PHACTR4: variants seen among roughly 807,000 people sequenced by gnomAD.
The protein encoded by PHACTR4 is phosphatase and actin regulator 4.
PHACTR4 carries 51 observed loss-of-function variants against 72.7 expected under a neutral mutation model. The observed-to-expected ratio is 0.70, with a 90% CI of 0.56 to 0.89. The LOEUF is 0.89. PHACTR4 is among the 40% of genes least tolerant of loss of function. The pLI, the probability that PHACTR4 is intolerant of heterozygous loss-of-function variation, is 0.00. For synonymous variants in PHACTR4, 255 were observed against 302.5 expected (o/e 0.84, Z 1.63); for missense variants, 731 against 861.8 (o/e 0.85, Z 1.90).
chr1:28,470,673 A>G (rs1026955961), intron 6 of PHACTR4, among the ~76,000 whole-genome samples: 2 of 151,820 alleles, frequency 1.3e-5, no homozygotes, highest in Admixed American at 6.6e-5. Flanking sequence ...CTCCAGTGAC[A>G]CAGTGTGAGA....
At chr1:28,413,670 T>C (rs943069173) in intron 2 of PHACTR4, among the ~76,000 whole-genome samples, 1 of 152,200 alleles carries the variant, frequency 6.6e-6, no homozygotes, top group Non-Finnish European at 1.5e-5. Flanking sequence ...TGTTTCTTTT[T>C]ATACTATCCT....
At chr1:28,492,296 G>C (rs1310243441) in intron 12 of PHACTR4, among the ~76,000 whole-genome samples, 4 of 151,518 alleles carry the variant, frequency 2.6e-5, no homozygotes, top group Admixed American at 6.6e-5. Context: ...AATTAGCTGG[G>C]TGTGATGGCA....
In PHACTR4 at chr1:28,462,436, A is replaced by C. The variant is rs528347878; in HGVS notation, c.271+2144A>C. Among the ~76,000 whole-genome samples, 22 of 150,444 alleles carry C rather than the reference A, an allele frequency of 1.5e-4. No individual in the cohort carries two copies. In the South Asian group the frequency reaches 4.4e-3, roughly 30 times the overall value. Reference sequence around the variant, plus strand: ...TTTCACCTTCAGTCTCTTTTGCCCTACACTCACGGCAACCTCTGCCTCCTG... The same window carrying C: ...TTTCACCTTCAGTCTCTTTTGCCCTCCACTCACGGCAACCTCTGCCTCCTG... On this transcript the variant is annotated intron_variant, in intron 4 of 13. Coordinates refer to ENST00000373839, the MANE Select transcript of PHACTR4 (RefSeq NM_001048183.3).
At chr1:28,495,928 G>A (rs1400945220) in intron 13 of PHACTR4, among the ~76,000 whole-genome samples, 4 of 151,524 alleles carry the variant, frequency 2.6e-5, no homozygotes, top group Non-Finnish European at 4.4e-5. Context: ...GCCAAGGAAA[G>A]TTGTTTTTTA....
intron 4 of PHACTR4, among the ~76,000 whole-genome samples, chr1:28,461,870 T>G (rs983352128): frequency 6.6e-6 from 1 of 150,826 alleles, no homozygotes; most frequent in Admixed American, 6.6e-5. Context: ...TTTTTTTGTA[T>G]GTGACTAGTT....
chr1:28,379,765 A>G (rs950698521), intron 1 of PHACTR4, among the ~76,000 whole-genome samples: 4 of 150,516 alleles, frequency 2.7e-5, no homozygotes, highest in Non-Finnish European at 4.4e-5. Context: ...AATTTTTTGT[A>G]TTTTTAGTAG....
intron 2 of PHACTR4, among the ~76,000 whole-genome samples, chr1:28,452,916 C>G (rs988927996): frequency 6.6e-6 from 1 of 152,132 alleles, no homozygotes; most frequent in Non-Finnish European, 1.5e-5. Flanking sequence ...GTCAGGAGCT[C>G]GAGACCAGCC....
chr1:28,461,007 G>C (rs1335697602), intron 4 of PHACTR4, among the ~76,000 whole-genome samples: 2 of 152,162 alleles, frequency 1.3e-5, no homozygotes, highest in African/African-American at 2.4e-5. Context: ...ACCAGTCATT[G>C]TTTGTTTAAT....
At chr1:28,426,908 A>G (rs1655903220) in intron 2 of PHACTR4, among the ~76,000 whole-genome samples, 1 of 152,118 alleles carries the variant, frequency 6.6e-6, no homozygotes, top group Non-Finnish European at 1.5e-5. Flanking sequence ...GTCCAGTAGA[A>G]CTTTCTGCAA....
intron 1 of PHACTR4, among the ~76,000 whole-genome samples, chr1:28,404,273 A>G (rs1317585826): frequency 7.7e-5 from 9 of 117,560 alleles, no homozygotes; most frequent in Non-Finnish European, 1.5e-4. Flanking sequence ...TTGTATGAAC[A>G]TCCTTTTTTT....
chr1:28,439,350 G>A (rs1656840111), intron 2 of PHACTR4, among the ~76,000 whole-genome samples: 1 of 151,896 alleles, frequency 6.6e-6, no homozygotes, highest in South Asian at 2.1e-4. Flanking sequence ...AGCATAAAGT[G>A]TGGAAACACA....
chr1:28,472,474 A>C (rs1342191852), intron 6 of PHACTR4, among the ~76,000 whole-genome samples: 3 of 152,220 alleles, frequency 2.0e-5, no homozygotes, highest in Admixed American at 2.0e-4. Flanking sequence ...TCAAGATGTC[A>C]GTATTGACAG....
At chr1:28,453,769 T>A in intron 2 of PHACTR4, 1 of 995,114 alleles carries the variant, frequency 1.0e-6, no homozygotes, top group South Asian at 1.3e-5. Flanking sequence ...AAAAAAGAGG[T>A]TTCAGCAGTT....
intron 2 of PHACTR4, among the ~76,000 whole-genome samples, chr1:28,426,056 T>C (rs1205725934): frequency 6.6e-6 from 1 of 151,974 alleles, no homozygotes; most frequent in Non-Finnish European, 1.5e-5. Flanking sequence ...CCCCAGTCTC[T>C]ACTAAAATAC....
intron 2 of PHACTR4, among the ~76,000 whole-genome samples, chr1:28,449,789 T>A (rs539596446): frequency 7.2e-5 from 11 of 151,770 alleles, no homozygotes; most frequent in African/African-American, 2.7e-4. Flanking sequence ...GAGGCAGGGG[T>A]TGCAGTGAGC....
rs1657260437 is a variant in PHACTR4 at position 28,444,213 on chromosome 1, G to GC, written c.17-14871dup. 2.9e-5 allele frequency among the ~76,000 whole-genome samples: 3 copies of GC among 103,280 alleles called. No individual in the cohort carries two copies. The South Asian group carries it at 8.8e-4, about 30-fold the overall frequency. 67.8% of individuals were successfully genotyped at this position (103,280 alleles called of 152,430 possible). On this transcript the variant is annotated intron_variant, in intron 2 of 13. Transcript: ENST00000373839. ...TTGAGCATTTAAAAAAATATATTTG[G>GC]CTTTTTTTTTTTTTTTTTTTTTTTT...
intron 6 of PHACTR4, among the ~76,000 whole-genome samples, chr1:28,470,764 C>T (rs560418673): frequency 6.6e-6 from 1 of 152,028 alleles, no homozygotes; most frequent in Admixed American, 6.6e-5. Context: ...TGGCTCACAT[C>T]CATAATCCCA....
chr1:28,460,896 G>A (rs961562561), intron 4 of PHACTR4, among the ~76,000 whole-genome samples: 8 of 151,680 alleles, frequency 5.3e-5, no homozygotes, highest in South Asian at 2.1e-4. Context: ...TGCCCACCTC[G>A]GCCTCCCAAA....
At chr1:28,491,904 T>C (rs1661061815) in intron 12 of PHACTR4, 117 bp downstream of exon 12, 2 of 1,237,878 alleles carry the variant, frequency 1.6e-6, no homozygotes. Context: ...TTTAATATAA[T>C]ATTAAATTTC....
Sources: allele counts gnomAD v4.1 joint callset (sites outside exome capture counted in the v4.1 genomes callset), GRCh38; gene constraint gnomAD v4.1.1; transcripts MANE v1.5; gene names NCBI Gene and HGNC (gene_info 2026-07-23, HGNC 2026-07-21).